USP34: variants seen among roughly 807,000 people sequenced by gnomAD.
The protein encoded by USP34 is ubiquitin carboxyl-terminal hydrolase 34.
Under a neutral mutation model 460.3 loss-of-function variants are expected in USP34, and 70 were observed. The ratio of observed to expected loss-of-function variants is 0.15; its 90% CI spans 0.13 to 0.19. The LOEUF (loss-of-function observed/expected upper bound fraction) is 0.19. USP34 is among the 10% of genes least tolerant of loss of function. The probability of loss-of-function intolerance (pLI) is 1.00; values close to 1 mark genes in which losing one functional copy is unlikely to be tolerated. For synonymous variants in USP34, 1,647 were observed against 1,405.3 expected, an observed-to-expected ratio of 1.17 and a Z score of -3.85; for missense variants, 3,985 against 4,236.2, an observed-to-expected ratio of 0.94 and a Z score of 1.65.
At chr2:61,280,976 A>G in intron 38 of USP34, 114 bp downstream of exon 38, 2 of 1,164,130 alleles carry the variant, frequency 1.7e-6, no homozygotes, top group Non-Finnish European at 2.4e-6. Context: ...CTCTTGGTAA[A>G]AAATCACATA....
In USP34 at chr2:61,296,892, C is replaced by T; in HGVS notation, c.4162G>A (p.Glu1388Lys). The T allele has an allele frequency of 6.2e-7, 1 of 1,613,860 alleles. No homozygotes were observed. The highest frequency in any genetic ancestry group is 8.5e-7 in the Non-Finnish European group (1 of 1,179,886). Residue 1388 changes from glutamate to lysine, a missense_variant, in exon 30 of 80, where the codon GAA becomes AAA. Coordinates refer to ENST00000398571, the MANE Select transcript of USP34 (RefSeq NM_014709.4). ...TCCCAGACCCGCCTAGACAGATTTT[C>T]TGCATGAAGATGAAGTTCTTCACAT... is the stretch of plus-strand genomic sequence containing the variant. Reference protein sequence around the residue: ...LRCEELHLHAENLSRRVWELL... With the variant: ...LRCEELHLHAKNLSRRVWELL...
At chr2:61,371,778 T>C (rs1363180218) in intron 8 of USP34, among the ~76,000 whole-genome samples, 1 of 152,208 alleles carries the variant, frequency 6.6e-6, no homozygotes, top group African/African-American at 2.4e-5. Context: ...GCTCCATTCT[T>C]GGTAAGCGTC....
At chr2:61,244,801 A>T (rs538707691) in intron 51 of USP34, among the ~76,000 whole-genome samples, 5 of 152,030 alleles carry the variant, frequency 3.3e-5, no homozygotes, top group Non-Finnish European at 7.4e-5. Context: ...TTTTTTTCTT[A>T]TTGTGAATCA....
At chr2:61,192,665 T>C (rs562715779) in intron 76 of USP34, among the ~76,000 whole-genome samples, 2 of 152,254 alleles carry the variant, frequency 1.3e-5, no homozygotes, top group Non-Finnish European at 2.9e-5. Context: ...AATTCAATTA[T>C]AACCAGCTTA....
At chr2:61,336,252 A>G (rs988835749) in intron 18 of USP34, among the ~76,000 whole-genome samples, 7 of 151,538 alleles carry the variant, frequency 4.6e-5, no homozygotes, top group Admixed American at 3.9e-4. Flanking sequence ...CAGCCTCCCA[A>G]GTAGCTGTAA....
At chr2:61,422,972 A>T (rs1352374339) in intron 1 of USP34, among the ~76,000 whole-genome samples, 1 of 152,220 alleles carries the variant, frequency 6.6e-6, no homozygotes, top group African/African-American at 2.4e-5. Flanking sequence ...GGCTTCCATT[A>T]AACTGCAGTT....
intron 1 of USP34, among the ~76,000 whole-genome samples, chr2:61,424,161 C>T (rs904591885): frequency 6.6e-6 from 1 of 152,028 alleles, no homozygotes; most frequent in Non-Finnish European, 1.5e-5. Context: ...TTGAAAGCAC[C>T]ATCTCCAAGA....
At chr2:61,429,172 GCA>G (rs1422863455) in intron 1 of USP34, among the ~76,000 whole-genome samples, 1 of 152,184 alleles carries the variant, frequency 6.6e-6, no homozygotes, top group Non-Finnish European at 1.5e-5. Flanking sequence ...GTTTGGCCAG[GCA>G]CAGTGGCTCA....
chr2:61,309,338 T>C (rs1053620167), intron 27 of USP34, among the ~76,000 whole-genome samples: 5 of 151,732 alleles, frequency 3.3e-5, no homozygotes, highest in African/African-American at 1.2e-4. Context: ...AGACAACCAA[T>C]AACGAGAAAG....
chr2:61,211,967 T>C, intron 68 of USP34, 38 bp from the exon 69 acceptor site: 4 of 1,552,842 alleles, frequency 2.6e-6, no homozygotes, highest in East Asian at 2.4e-5. Flanking sequence ...CTTTTAACCC[T>C]ATAGCATTTT....
chr2:61,388,204 A>G (rs980625827), intron 5 of USP34, among the ~76,000 whole-genome samples: 5 of 151,986 alleles, frequency 3.3e-5, no homozygotes, highest in South Asian at 2.1e-4. Context: ...GATCACCCCA[A>G]TGCGCTCTGG....
chr2:61,429,219 A>G (rs78168464), intron 1 of USP34, among the ~76,000 whole-genome samples: 1,903 of 151,714 alleles, frequency 0.013, 27 homozygotes, highest in East Asian at 0.039. Flanking sequence ...AGGCCGAGGC[A>G]GGCGGATCAC....
intron 21 of USP34, among the ~76,000 whole-genome samples, chr2:61,324,361 T>C (rs193076351): frequency 9.8e-4 from 150 of 152,320 alleles, no homozygotes; most frequent in African/African-American, 3.5e-3. Flanking sequence ...CTGGGGCCTC[T>C]AAATGTCTCC....
Position 61,416,940 on chromosome 2 carries a change from C to T in USP34, c.131+3806G>A, listed in dbSNP as rs878941619. On this transcript the variant is annotated intron_variant, in intron 2 of 79. Transcript: ENST00000398571. The stretch of plus-strand genomic sequence containing the variant: ...GGCCATGAATGGCGACATACTTGAC[C>T]CCACAGCCATCTGGGATGAGCCGCT... 3.3e-6 allele frequency: 4 copies of T among 1,219,740 alleles called. No homozygotes were observed. In the South Asian group the frequency reaches 5.0e-5, roughly 15 times the overall value. 75.6% of individuals were successfully genotyped at this position (1,219,740 alleles called of 1,614,324 possible).
rs1688419334 is a variant in USP34 at position 61,246,441 on chromosome 2, T to C, written c.6431A>G (p.Glu2144Gly). Residue 2144 changes from glutamate (E) to glycine (G), a missense_variant, in exon 50 of 80, where the codon GAG becomes GGG. Glu to Gly is a moderately conservative substitution (Grantham distance 98). Around this residue, in one of 14 missense-constraint regions of USP34, gnomAD observed 70 missense variants for 78.1 expected, o/e 0.90. Coordinates refer to ENST00000398571, the MANE Select transcript of USP34 (RefSeq NM_014709.4). ...KEVSDHSKDS[E>G]SYEYDLIGVT... ...TCCTATCAAGTCATATTCATAGCTCTCTGAGTCTTTTGAATGATCACTGAC... is the reference window on the plus strand; with the variant it reads ...TCCTATCAAGTCATATTCATAGCTCCCTGAGTCTTTTGAATGATCACTGAC... 1 of 1,596,508 alleles carries C rather than the reference T, an allele frequency of 6.3e-7. No homozygotes were observed. The highest frequency in any genetic ancestry group is 1.3e-5 in the African/African-American group (1 of 74,432).
At chr2:61,377,312 T>C (rs1176965672) in intron 8 of USP34, among the ~76,000 whole-genome samples, 1 of 152,176 alleles carries the variant, frequency 6.6e-6, no homozygotes, top group Non-Finnish European at 1.5e-5. Flanking sequence ...TCAAGAATTT[T>C]CTAACAAACC....
At chr2:61,324,249 A>G (rs1691017209) in intron 21 of USP34, among the ~76,000 whole-genome samples, 1 of 152,214 alleles carries the variant, frequency 6.6e-6, no homozygotes, top group Non-Finnish European at 1.5e-5. Flanking sequence ...CTATAACCAC[A>G]TGGATTTGGA....
intron 1 of USP34, among the ~76,000 whole-genome samples, chr2:61,430,641 A>C (rs895068390): frequency 2.0e-5 from 3 of 152,246 alleles, no homozygotes; most frequent in Non-Finnish European, 4.4e-5. Flanking sequence ...CAATTTAGTT[A>C]ATTTTTAAAA....
chr2:61,226,908 G>A (rs2103821286), intron 62 of USP34, 159 bp downstream of exon 62: 2 of 889,308 alleles, frequency 2.2e-6, no homozygotes, highest in Non-Finnish European at 3.2e-6. Flanking sequence ...ATGAATAGTA[G>A]TATTATTTAA....
Sources: allele counts gnomAD v4.1 joint callset (sites outside exome capture counted in the v4.1 genomes callset), GRCh38; gene constraint gnomAD v4.1.1; regional missense constraint gnomAD v4.1.1; transcripts MANE v1.5; gene names NCBI Gene and HGNC (gene_info 2026-07-23, HGNC 2026-07-21).